The following GRM5 variants were observed in gnomAD, a reference collection of about 807,000 sequenced individuals.
GRM5 encodes metabotropic glutamate receptor 5.
A neutral mutation model predicts 83.1 loss-of-function variants in GRM5; 19 were observed. The observed-to-expected ratio is 0.23, with a 90% CI of 0.16 to 0.34. The LOEUF is 0.34. Ranked by LOEUF, GRM5 falls within the 10% of genes least tolerant of loss-of-function variation. The probability of loss-of-function intolerance (pLI) is 1.00; values close to 1 mark genes in which losing one functional copy is unlikely to be tolerated. For missense variants in GRM5, 1,160 were observed against 1,588.3 expected, an observed-to-expected ratio of 0.73 and a Z score of 4.58; for synonymous variants, 675 against 633.6, an observed-to-expected ratio of 1.07 and a Z score of -0.98.
chr11:88,802,984 T>A (rs926406281), intron 3 of GRM5, among the ~76,000 whole-genome samples: 2 of 141,460 alleles, frequency 1.4e-5, no homozygotes, highest in African/African-American at 5.8e-5. Flanking sequence ...ACAAGGGACA[T>A]GAAGGAACTC....
intron 8 of GRM5, among the ~76,000 whole-genome samples, chr11:88,526,529 G>C (rs966501561): frequency 2.6e-5 from 4 of 151,990 alleles, no homozygotes; most frequent in African/African-American, 9.7e-5. Context: ...ACTGGAGCCT[G>C]GTATAACACC....
chr11:89,029,677 G>A (rs1245477326), intron 2 of GRM5, among the ~76,000 whole-genome samples: 1 of 152,112 alleles, frequency 6.6e-6, no homozygotes, highest in Non-Finnish European at 1.5e-5. Flanking sequence ...TCCCTAATGA[G>A]ATTTTACAGG....
chr11:88,932,875 C>G (rs1039264520), intron 2 of GRM5, among the ~76,000 whole-genome samples: 1 of 151,780 alleles, frequency 6.6e-6, no homozygotes, highest in African/African-American at 2.4e-5. Context: ...GCCGAAATGC[C>G]TGGTAGGATT....
chr11:88,982,251 T>C (rs1329576480), intron 2 of GRM5, among the ~76,000 whole-genome samples: 5 of 152,226 alleles, frequency 3.3e-5, no homozygotes, highest in African/African-American at 2.4e-5. Flanking sequence ...GTCACTGCAA[T>C]AGAATTTCTT....
intron 2 of GRM5, among the ~76,000 whole-genome samples, chr11:88,971,289 A>G (rs542579976): frequency 3.2e-4 from 48 of 152,214 alleles, no homozygotes; most frequent in African/African-American, 1.1e-3. Context: ...AACTGTTTTT[A>G]ACTTTTATTT....
At chr11:88,936,846 C>T (rs1224718895) in intron 2 of GRM5, among the ~76,000 whole-genome samples, 1 of 151,688 alleles carries the variant, frequency 6.6e-6, no homozygotes, top group African/African-American at 2.4e-5. Context: ...TAAAATTGAA[C>T]AGCCCAACAT....
At chr11:88,572,927 C>A (rs991893990) in intron 7 of GRM5, among the ~76,000 whole-genome samples, 1 of 152,068 alleles carries the variant, frequency 6.6e-6, no homozygotes, top group African/African-American at 2.4e-5. Context: ...TAATCTTGAT[C>A]ATGTCAGTGA....
intron 3 of GRM5, among the ~76,000 whole-genome samples, chr11:88,810,230 T>C (rs1490912839): frequency 6.6e-6 from 1 of 152,038 alleles, no homozygotes; most frequent in Non-Finnish European, 1.5e-5. Flanking sequence ...GCAGTAACAC[T>C]GAGATCCATA....
intron 2 of GRM5, chr11:89,009,123 A>C (rs1481776935): frequency 1.4e-6 from 1 of 711,904 alleles, no homozygotes; most frequent in Non-Finnish European, 2.6e-6. Context: ...AAAAAACCTT[A>C]AGATGTATAA....
rs1942108051 is a variant in GRM5, at chr11:88,535,239, T to A, written c.2631-9835A>T. On this transcript the variant is annotated intron_variant, in intron 8 of 9. Transcript: ENST00000305447. ...GATGTAGACACTGATTAGACTAAGA[T>A]GATAATAGTAATTATCAGATTCACT... Among the ~76,000 whole-genome samples, 3 of 152,352 alleles carry A rather than the reference T, an allele frequency of 2.0e-5. No individual in the cohort carries two copies. In the South Asian group the frequency reaches 6.2e-4, roughly 32 times the overall value.
intron 3 of GRM5, among the ~76,000 whole-genome samples, chr11:88,734,109 A>G (rs1014921254): frequency 6.6e-6 from 1 of 152,066 alleles, no homozygotes; most frequent in African/African-American, 2.4e-5. Flanking sequence ...TATTTATAAA[A>G]TTGCTGTTTT....
chr11:88,817,434 A>G (rs1336085164), intron 3 of GRM5, among the ~76,000 whole-genome samples: 10 of 152,074 alleles, frequency 6.6e-5, no homozygotes, highest in Admixed American at 6.6e-4. Context: ...TACAATTCCC[A>G]AACCCTGAAA....
At chr11:88,727,828 A>G (rs1197484856) in intron 3 of GRM5, among the ~76,000 whole-genome samples, 1 of 152,216 alleles carries the variant, frequency 6.6e-6, no homozygotes, top group East Asian at 1.9e-4. Context: ...GTTGCTTGAA[A>G]CCAATGAGAA....
At chr11:88,773,904 CT>C (rs1299752051) in intron 3 of GRM5, among the ~76,000 whole-genome samples, 2 of 152,090 alleles carry the variant, frequency 1.3e-5, no homozygotes, top group Non-Finnish European at 2.9e-5. Flanking sequence ...TAGCTTTGTT[CT>C]TTTTGCTTAG....
intron 2 of GRM5, among the ~76,000 whole-genome samples, chr11:89,004,695 G>A (rs1940476567): frequency 6.6e-6 from 1 of 152,184 alleles, no homozygotes; most frequent in South Asian, 2.1e-4. Context: ...GTAGCTTTGT[G>A]ACTTGGGCAA....
At chr11:88,641,589 C>A (rs553858927) in intron 4 of GRM5, among the ~76,000 whole-genome samples, 1 of 152,122 alleles carries the variant, frequency 6.6e-6, no homozygotes, top group African/African-American at 2.4e-5. Context: ...TCCCAAGATA[C>A]AATGGGGGTT....
intron 2 of GRM5, among the ~76,000 whole-genome samples, chr11:88,931,507 G>A (rs1322649279): frequency 6.6e-6 from 1 of 151,536 alleles, no homozygotes; most frequent in Non-Finnish European, 1.5e-5. Context: ...CCTTTGATCT[G>A]GGTCCCATTG....
intron 2 of GRM5, among the ~76,000 whole-genome samples, chr11:88,851,776 C>T (rs917869943): frequency 6.6e-6 from 1 of 152,192 alleles, no homozygotes; most frequent in African/African-American, 2.4e-5. Flanking sequence ...AGCAGGTCAG[C>T]TTGAATCTCA....
intron 7 of GRM5, among the ~76,000 whole-genome samples, chr11:88,587,562 G>A (rs1422794248): frequency 6.6e-6 from 1 of 152,022 alleles, no homozygotes; most frequent in Non-Finnish European, 1.5e-5. Flanking sequence ...TGGGATTCAG[G>A]ACACACTACC....
Sources: gnomAD v4.1 joint callset for allele counts (sites outside exome capture counted in the v4.1 genomes callset) on GRCh38, gnomAD v4.1.1 for gene constraint, MANE v1.5 for transcripts, NCBI Gene and HGNC (gene_info 2026-07-23, HGNC 2026-07-21) for gene names.